HTN1: variants seen among roughly 807,000 people sequenced by gnomAD.
The protein encoded by HTN1 is histatin-1.
HTN1 carries 18 observed loss-of-function variants against 11.2 expected under a neutral mutation model. That is an observed-to-expected ratio of 1.61 (90% CI 1.12 to 2.39). The LOEUF (loss-of-function observed/expected upper bound fraction) is 2.39, where lower values mean the gene tolerates loss of function less well. HTN1 is among the 30% of genes most tolerant of loss of function. HTN1 has a pLI of 0.00. For synonymous variants in HTN1, 21 were observed against 20.5 expected (o/e 1.02, Z -0.07); for missense variants, 80 against 67.2 (o/e 1.19, Z -0.67).
intron 1 of HTN1, 67 bp from the exon 2 acceptor site, chr4:70,052,997 A>G (rs1725935554): frequency 2.1e-6 from 2 of 943,694 alleles, no homozygotes; most frequent in Non-Finnish European, 3.5e-6. Flanking sequence ...TAGTGTCATC[A>G]ATAGAAGTTT....
chr4:70,053,258 A>C (rs1455959329), intron 2 of HTN1, 131 bp downstream of exon 2: 2 of 562,340 alleles, frequency 3.6e-6, no homozygotes, highest in African/African-American at 1.9e-5. Context: ...ATTTCCCTAC[A>C]AGGAGTTTCT....
chr4:70,054,610 C>T (rs377668349), intron 4 of HTN1, among the ~76,000 whole-genome samples, 160 bp downstream of exon 4: 25 of 151,998 alleles, frequency 1.6e-4, no homozygotes, highest in African/African-American at 5.6e-4. Context: ...CAAAAAGTCA[C>T]AAATATCTTG....
intron 5 of HTN1, chr4:70,057,177 A>G (rs2877507): frequency 2.0e-5 from 3 of 152,244 alleles, no homozygotes; most frequent in African/African-American, 7.2e-5. Context: ...AAAATGTGGT[A>G]CATATACACC....
At chr4:70,054,060 G>GT (rs1420554184) in intron 2 of HTN1, among the ~76,000 whole-genome samples, 1 of 151,972 alleles carries the variant, frequency 6.6e-6, no homozygotes, top group Non-Finnish European at 1.5e-5. Context: ...TTATTCACCA[G>GT]TGACAGACTT....
In HTN1 at chr4:70,058,622, A is replaced by G. The variant is rs1022687890; in HGVS notation, c.*76A>G. The G allele has an allele frequency of 1.3e-5, 2 of 152,134 alleles. No individual in the cohort carries two copies. The highest frequency in any genetic ancestry group is 2.9e-5 in the Non-Finnish European group (2 of 68,012). 9.4% of individuals were successfully genotyped at this position (152,134 alleles called of 1,614,324 possible). A position where few individuals can be genotyped will look rare whatever the true frequency, so the allele number is the denominator to read the frequency against. ...ACTTTTTACTCATTTATTCTCATTC[A>G]TCATACCGCATCACACTACCACTGC... On this transcript the variant is annotated 3_prime_UTR_variant, in exon 6 of 6. Coordinates refer to ENST00000246896, the MANE Select transcript of HTN1 (RefSeq NM_002159.4).
chr4:70,057,284 G>A (rs1361942625), intron 5 of HTN1: 1 of 152,110 alleles, frequency 6.6e-6, no homozygotes, highest in African/African-American at 2.4e-5. Flanking sequence ...ACTAACACAG[G>A]AACAGAAAGG....
intron 2 of HTN1, among the ~76,000 whole-genome samples, chr4:70,053,435 C>G (rs1239301583): frequency 6.6e-6 from 1 of 152,088 alleles, no homozygotes; most frequent in African/African-American, 2.4e-5. Flanking sequence ...GTGAAAAGCT[C>G]TAGACCATCT....
chr4:70,051,612 A>G (rs1725896098), intron 1 of HTN1, among the ~76,000 whole-genome samples: 2 of 152,128 alleles, frequency 1.3e-5, no homozygotes, highest in Admixed American at 6.6e-5. Flanking sequence ...AAAGAGTTGT[A>G]GTAGGATTTA....
At chr4:70,052,807 A>T in intron 1 of HTN1, 1 of 291,216 alleles carries the variant, frequency 3.4e-6, no homozygotes, top group Non-Finnish European at 6.5e-6. Context: ...AAAAAAAAAA[A>T]GAAAGAAAAA....
chr4:70,054,984 T>C (rs2109729298), intron 4 of HTN1, among the ~76,000 whole-genome samples: 1 of 152,092 alleles, frequency 6.6e-6, no homozygotes, highest in Non-Finnish European at 1.5e-5. Context: ...CTTACTAACA[T>C]AGCAAGTATA....
At chr4:70,054,258 T>C in intron 2 of HTN1, 64 bp from the exon 3 acceptor site, 1 of 1,044,960 alleles carries the variant, frequency 9.6e-7, no homozygotes, top group Non-Finnish European at 1.4e-6. Context: ...AGTCAATATT[T>C]ATACTTACTC....
intron 5 of HTN1, chr4:70,056,271 A>T (rs1022378926): frequency 1.3e-5 from 2 of 152,014 alleles, no homozygotes; most frequent in Non-Finnish European, 2.9e-5. Flanking sequence ...CAAACCTGAC[A>T]AAACAAGTAA....
chr4:70,054,419 A>G lies in HTN1; in HGVS notation c.73-2A>G, dbSNP rs1399644451. The G allele has an allele frequency of 2.6e-6, 4 of 1,522,806 alleles. No individual in the cohort carries two copies. Among genetic ancestry groups the G allele is most frequent in the Non-Finnish European group, 3.6e-6 (4 of 1,108,724 alleles). The allele number at this position is 1,522,806 out of a possible 1,614,324, so 94.3% of individuals were successfully genotyped here. On this transcript the variant is annotated splice_acceptor_variant, in intron 3 of 5. Coordinates refer to ENST00000246896, the MANE Select transcript of HTN1 (RefSeq NM_002159.4). LOFTEE classifies it high-confidence loss of function. ...TTTTAATCTTTTCTTTTTATTTCATAGAGACATCATGGGTATAGAAGAAAA... is the reference window on the plus strand; with the variant it reads ...TTTTAATCTTTTCTTTTTATTTCATGGAGACATCATGGGTATAGAAGAAAA...
At chr4:70,055,237 G>T (rs1726006573) in intron 4 of HTN1, among the ~76,000 whole-genome samples, 1 of 152,030 alleles carries the variant, frequency 6.6e-6, no homozygotes, top group Non-Finnish European at 1.5e-5. Context: ...TGGTTAGAGA[G>T]GTTACCTATA....
At chr4:70,058,443 A>C (rs1272510194) in intron 5 of HTN1, 137 bp from the exon 6 acceptor site, 3 of 152,152 alleles carry the variant, frequency 2.0e-5, no homozygotes, top group Non-Finnish European at 2.9e-5. Flanking sequence ...TCTACTCTAT[A>C]TCAAATAGTA....
At chr4:70,057,579 G>A (rs551098485) in intron 5 of HTN1, 1 of 152,166 alleles carries the variant, frequency 6.6e-6, no homozygotes, top group African/African-American at 2.4e-5. Context: ...AAGATGCTGA[G>A]TTCTGGGTAG....
At chr4:70,050,749 CATTTT>C (rs796296595) in intron 1 of HTN1, among the ~76,000 whole-genome samples, 9 of 152,112 alleles carry the variant, frequency 5.9e-5, no homozygotes, top group East Asian at 1.9e-4. Flanking sequence ...CACACAAATT[CATTTT>C]ATTTTATTTT....
At chr4:70,055,075 A>G (rs1338837788) in intron 4 of HTN1, among the ~76,000 whole-genome samples, 2 of 152,090 alleles carry the variant, frequency 1.3e-5, no homozygotes, top group Non-Finnish European at 2.9e-5. Context: ...GTATGAAAGA[A>G]TGTAGGAGTT....
chr4:70,052,840 C>A, intron 1 of HTN1: 1 of 385,202 alleles, frequency 2.6e-6, no homozygotes, highest in Non-Finnish European at 4.8e-6. Context: ...TGGTGGCACA[C>A]ACTTGTAGTT....
Sources: allele counts gnomAD v4.1 joint callset (sites outside exome capture counted in the v4.1 genomes callset), GRCh38; gene constraint gnomAD v4.1.1; transcripts MANE v1.5; gene names NCBI Gene and HGNC (gene_info 2026-07-23, HGNC 2026-07-21).